MERTK: variants seen among roughly 807,000 people sequenced by gnomAD.
MERTK encodes MER proto-oncogene, tyrosine kinase, also known as tyrosine-protein kinase Mer.
MERTK carries 69 observed loss-of-function variants against 99.3 expected under a neutral mutation model. The ratio of observed to expected loss-of-function variants is 0.70; its 90% CI spans 0.57 to 0.85. MERTK has a LOEUF of 0.85. MERTK is among the 40% of genes least tolerant of loss of function. The probability of loss-of-function intolerance (pLI) is 0.00; values close to 1 mark genes in which losing one functional copy is unlikely to be tolerated. For synonymous variants in MERTK, 426 were observed against 467.6 expected (o/e 0.91, Z 1.15); for missense variants, 1,125 against 1,249.4 (o/e 0.90, Z 1.50).
At chr2:111,980,371 G>A (rs1004185397) in intron 7 of MERTK, among the ~76,000 whole-genome samples, 16 of 149,988 alleles carry the variant, frequency 1.1e-4, no homozygotes, top group African/African-American at 3.7e-4. Flanking sequence ...CTTGCCAGGT[G>A]TGTAGGCATG....
intron 1 of MERTK, among the ~76,000 whole-genome samples, chr2:111,924,517 A>G (rs1264634249): frequency 3.9e-5 from 6 of 152,052 alleles, no homozygotes; most frequent in African/African-American, 1.5e-4. Context: ...CTGCCCCTGT[A>G]GTCAGGTCTT....
At chr2:112,000,521 A>G (rs185462111) in intron 10 of MERTK, among the ~76,000 whole-genome samples, 211 of 152,260 alleles carry the variant, frequency 1.4e-3, no homozygotes, top group South Asian at 3.9e-3. Context: ...CTCTATTGCA[A>G]TGTGTTCGAT....
intron 1 of MERTK, among the ~76,000 whole-genome samples, chr2:111,925,292 A>ATATATATATATATATATATATATTTT (rs372747015): frequency 4.1e-5 from 1 of 24,496 alleles, no homozygotes; most frequent in Non-Finnish European, 7.3e-5. Context: ...ATATATATAT[A>ATATATATATATATATATATATATTTT]TTTTTTTTTT....
intron 4 of MERTK, among the ~76,000 whole-genome samples, chr2:111,951,021 T>G (rs1265081856): frequency 6.6e-6 from 1 of 152,136 alleles, no homozygotes; most frequent in Non-Finnish European, 1.5e-5. Flanking sequence ...ATTGGAATTG[T>G]ATGTACTTAA....
intron 8 of MERTK, among the ~76,000 whole-genome samples, chr2:111,993,972 G>A (rs1001489526): frequency 7.9e-5 from 12 of 152,158 alleles, no homozygotes; most frequent in South Asian, 4.1e-4. Flanking sequence ...CATCTGCTAC[G>A]TGCTCCCTCT....
At chr2:111,926,341 A>G (rs1188674879) in intron 1 of MERTK, among the ~76,000 whole-genome samples, 1 of 152,204 alleles carries the variant, frequency 6.6e-6, no homozygotes, top group East Asian at 1.9e-4. Flanking sequence ...TTAAACCCCT[A>G]ACTCCTGAGT....
chr2:111,904,778 G>A (rs1451991676), intron 1 of MERTK, among the ~76,000 whole-genome samples: 3 of 152,180 alleles, frequency 2.0e-5, no homozygotes, highest in Non-Finnish European at 4.4e-5. Context: ...AGTAGATTCC[G>A]TGTACAGGCG....
At position 112,019,535 on chromosome 2, in the gene MERTK, G is replaced by A. The variant is rs375308762; in HGVS notation, c.2189+13G>A. On this transcript the variant is annotated intron_variant, in intron 16 of 18. Coordinates refer to ENST00000295408, the MANE Select transcript of MERTK (RefSeq NM_006343.3). Reference sequence around the variant, plus strand: ...CTCGAAACTGCATGTAAGAGTCCTCGGCTATCCTGGAAGGGTTTGGACCTC... The same window carrying A: ...CTCGAAACTGCATGTAAGAGTCCTCAGCTATCCTGGAAGGGTTTGGACCTC... 4.9e-5 allele frequency: 78 copies of A among 1,583,214 alleles called. No homozygotes were observed. The highest frequency in any genetic ancestry group is 6.7e-5 in the Admixed American group (4 of 59,958).
At chr2:112,014,269 C>T (rs1489328676) in intron 15 of MERTK, among the ~76,000 whole-genome samples, 1 of 152,150 alleles carries the variant, frequency 6.6e-6, no homozygotes, top group Non-Finnish European at 1.5e-5. Context: ...GATCTGCCCA[C>T]TTCGGCCTCC....
chr2:112,019,435 T>C lies in MERTK; in HGVS notation c.2102T>C (p.Leu701Ser), dbSNP rs758082793. ...GPKHIPLQTL[L>S]KFMVDIALGM... is the part of the protein sequence containing the mutation. ...TAGCATATTCCTCTGCAGACACTATTGAAGTTCATGGTGGATATTGCCCTG... is the reference window on the plus strand; with the variant it reads ...TAGCATATTCCTCTGCAGACACTATCGAAGTTCATGGTGGATATTGCCCTG... Residue 701 changes from leucine (L) to serine (S), a missense_variant, in exon 16 of 19, where the codon TTG (leucine) becomes TCG (serine). Transcript: ENST00000295408. 1.2e-6 allele frequency: 2 copies of C among 1,612,902 alleles called. No individual in the cohort carries two copies. Among genetic ancestry groups the C allele is most frequent in the Non-Finnish European group, 1.7e-6 (2 of 1,178,990 alleles).
chr2:112,008,548 C>A lies in MERTK; in HGVS notation c.1960+73C>A, dbSNP rs769562576. 5.3e-6 allele frequency: 6 copies of A among 1,125,094 alleles called. No homozygotes were observed. The African/African-American group carries it at 6.1e-5, about 11-fold the overall frequency. The allele number at this position is 1,125,094 out of a possible 1,614,324, so 69.7% of individuals were successfully genotyped here. On this transcript the variant is annotated intron_variant, in intron 14 of 18. Transcript: ENST00000295408. The stretch of plus-strand genomic sequence containing the variant: ...TCTGCTCTGTGCCAAAGGAAAAAAT[C>A]TCTGGTGTAGATAAGTTTACACTTC...
intron 1 of MERTK, among the ~76,000 whole-genome samples, chr2:111,922,320 G>A (rs1197333457): frequency 6.6e-6 from 1 of 152,138 alleles, no homozygotes; most frequent in African/African-American, 2.4e-5. Context: ...TGATCACCAA[G>A]CTTCAAGAAA....
intron 2 of MERTK, among the ~76,000 whole-genome samples, chr2:111,940,093 T>C (rs1205768130): frequency 4.9e-5 from 7 of 141,552 alleles, no homozygotes; most frequent in Non-Finnish European, 7.8e-5. Context: ...CCAGGTCCTC[T>C]TTCTTGGCTT....
chr2:112,029,396 A>G lies in MERTK; in HGVS notation c.*532A>G. 3.3e-6 allele frequency: 3 copies of G among 919,284 alleles called. No homozygotes were observed. Among genetic ancestry groups the G allele is most frequent in the Non-Finnish European group, 3.9e-6 (3 of 769,442 alleles). 56.9% of individuals were successfully genotyped at this position (919,284 alleles called of 1,614,324 possible). A position where few individuals can be genotyped will look rare whatever the true frequency, so the allele number is the denominator to read the frequency against. Reference sequence around the variant, plus strand: ...TATGTTGAACTTACTTGAGACTTGAAAGACAGTGGTCGGCAGCGGCCTTGT... The same window carrying G: ...TATGTTGAACTTACTTGAGACTTGAGAGACAGTGGTCGGCAGCGGCCTTGT... On this transcript the variant is annotated 3_prime_UTR_variant, in exon 19 of 19. Coordinates refer to ENST00000295408, the MANE Select transcript of MERTK (RefSeq NM_006343.3).
intron 6 of MERTK, among the ~76,000 whole-genome samples, chr2:111,969,095 C>T (rs1573608388): frequency 6.6e-6 from 1 of 152,172 alleles, no homozygotes; most frequent in Non-Finnish European, 1.5e-5. Flanking sequence ...ATTAGCCATC[C>T]TAAAATGATA....
chr2:111,899,074 C>T (rs1318130927), intron 1 of MERTK, among the ~76,000 whole-genome samples: 2 of 152,194 alleles, frequency 1.3e-5, no homozygotes, highest in Non-Finnish European at 2.9e-5. Context: ...CCCTCTTCAC[C>T]GCAGAGGAGG....
chr2:111,975,835 G>A (rs1420092026), intron 7 of MERTK, among the ~76,000 whole-genome samples: 1 of 152,152 alleles, frequency 6.6e-6, no homozygotes. Flanking sequence ...CCACCAGCAA[G>A]CAGTCGGCTC....
At chr2:111,902,910 C>T (rs1451808520) in intron 1 of MERTK, among the ~76,000 whole-genome samples, 1 of 152,082 alleles carries the variant, frequency 6.6e-6, no homozygotes, top group African/African-American at 2.4e-5. Flanking sequence ...TTCCCAGTAG[C>T]TGGGATTACA....
chr2:111,940,357 TGAAC>T (rs1232974798), intron 2 of MERTK: 1 of 522,182 alleles, frequency 1.9e-6, no homozygotes, highest in Non-Finnish European at 3.8e-6. Context: ...AATAATTGCC[TGAAC>T]AGCTGCTATG....
Sources: allele counts gnomAD v4.1 joint callset (sites outside exome capture counted in the v4.1 genomes callset), GRCh38; gene constraint gnomAD v4.1.1; transcripts MANE v1.5; gene names NCBI Gene and HGNC (gene_info 2026-07-23, HGNC 2026-07-21).